SLC5A11: variants seen among roughly 807,000 people sequenced by gnomAD.
The protein encoded by SLC5A11 is sodium/myo-inositol cotransporter 2.
SLC5A11 carries 48 observed loss-of-function variants against 69.8 expected under a neutral mutation model. That is an observed-to-expected ratio of 0.69 (90% CI 0.55 to 0.87). The LOEUF is 0.87. SLC5A11 is among the 40% of genes least tolerant of loss of function. The pLI is 0.00. For missense variants in SLC5A11, 784 were observed against 866.1 expected, an observed-to-expected ratio of 0.91 and a Z score of 1.19; for synonymous variants, 319 against 342.4, an observed-to-expected ratio of 0.93 and a Z score of 0.75.
intron 5 of SLC5A11, among the ~76,000 whole-genome samples, chr16:24,873,984 G>C (rs534129907): frequency 6.6e-6 from 1 of 151,806 alleles, no homozygotes; most frequent in South Asian, 2.1e-4. Context: ...ACACCACCAC[G>C]CCCGACTACT....
rs2046737341 is a variant in SLC5A11 at position 24,863,620 on chromosome 16, C to G, written c.207+948C>G. 2.6e-5 allele frequency among the ~76,000 whole-genome samples: 4 copies of G among 151,840 alleles called. No individual in the cohort carries two copies. In the South Asian group the frequency reaches 8.3e-4, roughly 32 times the overall value. ...GGCAGAGTAAAGAGCTTCAAAAATT[C>G]TCTCCTCCATAAAAGCTATGAGAAG... On this transcript the variant is annotated intron_variant, in intron 3 of 15. Transcript: ENST00000347898.
At chr16:24,875,539 G>A (rs890192455) in intron 5 of SLC5A11, 88 bp from the exon 7 acceptor site, 41 of 997,892 alleles carry the variant, frequency 4.1e-5, no homozygotes, top group Admixed American at 3.1e-4. Context: ...AGTTGCGGGG[G>A]CAGGAGCAGA....
exon 10 of SLC5A11, chr16:24,898,046 C>T (rs533071326): frequency 1.2e-6 from 2 of 1,614,026 alleles, no homozygotes; most frequent in African/African-American, 2.7e-5. Context: ...GGCTGCATAC[C>T]TGAAGGTGCT....
exon 9 of SLC5A11, chr16:24,891,037 T>G: frequency 6.2e-7 from 1 of 1,614,212 alleles, no homozygotes; most frequent in Non-Finnish European, 8.5e-7. Flanking sequence ...CTATTTGGAA[T>G]GTCCATCCCA....
At chr16:24,897,334 A>G (rs968038362) in intron 9 of SLC5A11, among the ~76,000 whole-genome samples, 2 of 152,124 alleles carry the variant, frequency 1.3e-5, no homozygotes, top group Non-Finnish European at 2.9e-5. Flanking sequence ...TTCATGGATC[A>G]TAGTAGCCAG....
At position 24,898,928 on chromosome 16, in the gene SLC5A11, C is replaced by T. The variant is rs186446161; in HGVS notation, c.1006+819C>T. Among the ~76,000 whole-genome samples the T allele has an allele frequency of 1.3e-3, 203 of 152,032 alleles. 1 individual carries two copies. Among genetic ancestry groups the T allele is most frequent in the Non-Finnish European group, 2.8e-4 (19 of 67,994 alleles). On this transcript the variant is annotated intron_variant, in intron 10 of 15. Transcript: ENST00000347898. ...GACTTCTGGGCTGAAGGGATCCTTT[C>T]GCCTCAGCCTCCCAAGTAGCTGAGA...
rs528240469 is a variant in SLC5A11, at chr16:24,884,279, G to T, written c.664+148G>T. 5.8e-6 allele frequency: 4 copies of T among 684,036 alleles called. No individual in the cohort carries two copies. In the South Asian group the frequency reaches 7.5e-5, roughly 13 times the overall value. The allele number at this position is 684,036 out of a possible 1,614,324, so 42.4% of individuals were successfully genotyped here. ...GTCACAGGTGCTTTGCTTGAGGCAC[G>T]GTTATTTTAGCTAGAAGAGAAATGT... On this transcript the variant is annotated intron_variant, in intron 8 of 15. Transcript: ENST00000347898.
At chr16:24,902,153 T>A (rs1017979189) in intron 10 of SLC5A11, among the ~76,000 whole-genome samples, 3 of 151,994 alleles carry the variant, frequency 2.0e-5, no homozygotes, top group Admixed American at 1.3e-4. Context: ...CTGTGCTAAA[T>A]GCCAGGAGGA....
intron 2 of SLC5A11, among the ~76,000 whole-genome samples, chr16:24,860,534 G>A (rs72770455): frequency 0.019 from 1,598 of 82,820 alleles, 16 homozygotes; most frequent in Non-Finnish European, 0.023. Flanking sequence ...GCAGAAATGC[G>A]TATATTAAAG....
intron 1 of SLC5A11, among the ~76,000 whole-genome samples, chr16:24,856,865 G>C (rs1192696878): frequency 6.6e-6 from 1 of 151,934 alleles, no homozygotes; most frequent in Non-Finnish European, 1.5e-5. Flanking sequence ...TTTTTGCCCA[G>C]GCTGGAGTGC....
intron 2 of SLC5A11, among the ~76,000 whole-genome samples, chr16:24,862,400 G>A (rs1481802781): frequency 6.6e-6 from 1 of 152,228 alleles, no homozygotes; most frequent in Admixed American, 6.5e-5. Flanking sequence ...TAGGAGCTTT[G>A]TTGACCTGAA....
chr16:24,887,438 A>G (rs1391187425), intron 8 of SLC5A11, among the ~76,000 whole-genome samples: 1 of 152,194 alleles, frequency 6.6e-6, no homozygotes, highest in Non-Finnish European at 1.5e-5. Flanking sequence ...ATAGTATGCT[A>G]GATTTCCCAT....
intron 3 of SLC5A11, among the ~76,000 whole-genome samples, chr16:24,863,067 A>G (rs1197354769): frequency 6.9e-6 from 1 of 144,312 alleles, no homozygotes; most frequent in African/African-American, 2.5e-5. Flanking sequence ...TATATAATAT[A>G]TATGATTTAT....
chr16:24,874,402 G>A (rs1274895821), intron 5 of SLC5A11, among the ~76,000 whole-genome samples: 2 of 152,140 alleles, frequency 1.3e-5, no homozygotes, highest in Non-Finnish European at 2.9e-5. Context: ...ACAAGATATT[G>A]ACAAACATTT....
exon 16 of SLC5A11, chr16:24,911,453 C>A (rs769916654): frequency 1.2e-6 from 2 of 1,614,048 alleles, no homozygotes; most frequent in South Asian, 2.2e-5. Context: ...GGAAGAAAAC[C>A]CCTTGGTGAA....
chr16:24,849,519 A>T (rs1251222402), intron 1 of SLC5A11, among the ~76,000 whole-genome samples: 1 of 143,390 alleles, frequency 7.0e-6, no homozygotes, highest in Non-Finnish European at 1.5e-5. Context: ...GTGAGCAGAG[A>T]TTGCACCACT....
At chr16:24,860,113 C>T (rs1411932222) in intron 2 of SLC5A11, among the ~76,000 whole-genome samples, 3 of 152,148 alleles carry the variant, frequency 2.0e-5, no homozygotes, top group Non-Finnish European at 4.4e-5. Flanking sequence ...TGGTGAAACC[C>T]CATCACTATT....
At chr16:24,891,126 A>G in intron 9 of SLC5A11, 52 bp downstream of exon 10, 1 of 1,575,686 alleles carries the variant, frequency 6.3e-7, no homozygotes, top group South Asian at 1.1e-5. Flanking sequence ...TTCTTTCCTT[A>G]GGGTGGCTGA....
chr16:24,906,869 G>A (rs1251520883), intron 11 of SLC5A11, 105 bp downstream of exon 12: 14 of 1,387,536 alleles, frequency 1.0e-5, no homozygotes, highest in Non-Finnish European at 1.3e-5. Flanking sequence ...GGCTGGTGGG[G>A]GAGGAAGACT....
Sources: gnomAD v4.1 joint callset for allele counts (sites outside exome capture counted in the v4.1 genomes callset) on GRCh38, gnomAD v4.1.1 for gene constraint, MANE v1.5 for transcripts, NCBI Gene and HGNC (gene_info 2026-07-23, HGNC 2026-07-21) for gene names.